The following CLDN14 variants were observed in gnomAD, a reference collection of about 807,000 sequenced individuals.
The protein encoded by CLDN14 is claudin 14, also known as claudin-14.
A neutral mutation model predicts 2.1 loss-of-function variants in CLDN14; 2 were observed. That is an observed-to-expected ratio of 0.96 (90% CI 0.39 to 3.01). CLDN14 has a LOEUF of 3.01. Ranked by LOEUF, CLDN14 falls within the 30% of genes most tolerant of loss-of-function variation. The pLI is 0.09. For synonymous variants in CLDN14, 136 were observed against 154.4 expected, an observed-to-expected ratio of 0.88 and a Z score of 0.88; for missense variants, 298 against 328.0, an observed-to-expected ratio of 0.91 and a Z score of 0.71.
At chr21:36,470,572 C>CA (rs2086699168) in intron 1 of CLDN14, among the ~76,000 whole-genome samples, 1 of 152,218 alleles carries the variant, frequency 6.6e-6, no homozygotes, top group African/African-American at 2.4e-5. Flanking sequence ...AGAATCATGA[C>CA]AGAATAAATT....
At chr21:36,536,408 T>C (rs1424987732) in intron 1 of CLDN14, among the ~76,000 whole-genome samples, 3 of 152,224 alleles carry the variant, frequency 2.0e-5, no homozygotes, top group African/African-American at 7.2e-5. Flanking sequence ...GTGTCAATGT[T>C]GCATTCTTGG....
intron 1 of CLDN14, among the ~76,000 whole-genome samples, chr21:36,464,474 C>T (rs2086620606): frequency 6.6e-6 from 1 of 152,186 alleles, no homozygotes; most frequent in Non-Finnish European, 1.5e-5. Context: ...TGGCTTTGCA[C>T]AAAGCCTCTC....
intron 1 of CLDN14, among the ~76,000 whole-genome samples, chr21:36,511,382 G>A (rs2087185480): frequency 6.6e-6 from 1 of 152,178 alleles, no homozygotes. Context: ...ATTGCCTTGT[G>A]TCATTGTCCA....
At chr21:36,489,077 T>C (rs1226882546) in intron 2 of CLDN14, among the ~76,000 whole-genome samples, 2 of 134,870 alleles carry the variant, frequency 1.5e-5, no homozygotes, top group Non-Finnish European at 3.1e-5. Context: ...GCCACTGCAC[T>C]CCAGCCTGGG....
At chr21:36,517,744 A>T (rs1432499763) in intron 1 of CLDN14, among the ~76,000 whole-genome samples, 2 of 152,234 alleles carry the variant, frequency 1.3e-5, no homozygotes, top group African/African-American at 2.4e-5. Context: ...TGGCTAGGCC[A>T]TGGTGCTCAG....
rs949338095 is a variant in CLDN14, at chr21:36,460,861, C to T, written c.*115G>A. 8.8e-6 allele frequency: 11 copies of T among 1,249,768 alleles called. No individual in the cohort carries two copies. Among genetic ancestry groups the T allele is most frequent in the East Asian group, 2.6e-5 (1 of 39,142 alleles). The allele number at this position is 1,249,768 out of a possible 1,614,324, so 77.4% of individuals were successfully genotyped here. A position where few individuals can be genotyped will look rare whatever the true frequency, so the allele number is the denominator to read the frequency against. On this transcript the variant is annotated 3_prime_UTR_variant, in exon 2 of 2. Transcript: ENST00000399135. This position sits in a 1 kb window ranked among gnomAD's most constrained non-coding sequence, Gnocchi z 4.0. ...CATTTCCTCGCATTCACATTATTTC[C>T]TTGGATACAAAAATTGCCCAGAAGT...
At chr21:36,480,665 T>C (rs1166655890), upstream of CLDN14, 2 of 152,166 alleles carry the variant, frequency 1.3e-5, no homozygotes, top group African/African-American at 4.8e-5. Flanking sequence ...TTTTCAATTT[T>C]GAAAATCGTT....
At chr21:36,464,984 C>G (rs191643462) in intron 1 of CLDN14, among the ~76,000 whole-genome samples, 2 of 152,300 alleles carry the variant, frequency 1.3e-5, no homozygotes, top group East Asian at 3.9e-4. Flanking sequence ...TGGCCTTGCC[C>G]CTTTTGCAGT....
At chr21:36,550,421 C>A (rs982350794) in intron 1 of CLDN14, among the ~76,000 whole-genome samples, 9 of 152,134 alleles carry the variant, frequency 5.9e-5, no homozygotes, top group African/African-American at 2.2e-4. Flanking sequence ...GAGCTCAGGG[C>A]AGTTTTAGTA....
intron 2 of CLDN14, among the ~76,000 whole-genome samples, chr21:36,492,056 C>T (rs1024637980): frequency 1.3e-5 from 2 of 152,126 alleles, no homozygotes; most frequent in African/African-American, 4.8e-5. Context: ...GTAATCCCAG[C>T]ACTTTGGGAG....
intron 1 of CLDN14, among the ~76,000 whole-genome samples, chr21:36,529,396 C>T (rs1203735506): frequency 6.6e-6 from 1 of 152,132 alleles, no homozygotes; most frequent in East Asian, 1.9e-4. Context: ...TCAAGCGATT[C>T]TCCTGCCTCA....
At chr21:36,470,780 C>T (rs1388373244) in intron 1 of CLDN14, among the ~76,000 whole-genome samples, 1 of 151,954 alleles carries the variant, frequency 6.6e-6, no homozygotes, top group Non-Finnish European at 1.5e-5. Flanking sequence ...TCAAGACCAG[C>T]CTGGTCAACA....
chr21:36,466,921 A>AAGAGGCT (rs1442956358), intron 1 of CLDN14, among the ~76,000 whole-genome samples: 1 of 152,204 alleles, frequency 6.6e-6, no homozygotes, highest in African/African-American at 2.4e-5. Context: ...GACCAAAACA[A>AAGAGGCT]AGAGGCTACA....
intron 1 of CLDN14, among the ~76,000 whole-genome samples, chr21:36,556,367 T>G (rs2087599220): frequency 6.6e-6 from 1 of 152,202 alleles, no homozygotes; most frequent in Non-Finnish European, 1.5e-5. Context: ...GTGCTGCCCA[T>G]GGTGGCCCTG....
chr21:36,520,252 G>A (rs1199182469), intron 1 of CLDN14, among the ~76,000 whole-genome samples: 3 of 152,036 alleles, frequency 2.0e-5, no homozygotes, highest in East Asian at 3.9e-4. Flanking sequence ...CAGTGGATTG[G>A]GGTCTACACT....
intron 2 of CLDN14, among the ~76,000 whole-genome samples, chr21:36,494,691 C>T (rs186416049): frequency 5.9e-5 from 9 of 152,302 alleles, no homozygotes; most frequent in Admixed American, 5.2e-4. Flanking sequence ...AGGGGGATGA[C>T]CCTGGGATGG....
intron 1 of CLDN14, among the ~76,000 whole-genome samples, chr21:36,574,983 C>T (rs1294382429): frequency 5.9e-5 from 9 of 152,178 alleles, no homozygotes; most frequent in Admixed American, 5.9e-4. Flanking sequence ...AACAAAATTG[C>T]ATTTAGCAGT....
At position 36,539,820 on chromosome 21, in the gene CLDN14, A is replaced by C. The variant is rs376414932; in HGVS notation, c.-219-29320T>G. On this transcript the variant is annotated intron_variant, in intron 1 of 2. Coordinates refer to the CLDN14 transcript ENST00000342108. ...TATGTCTGCAGATGAGTGTGTGCGG[A>C]GTATGTCTGCAGAGTGAGTGTGTGT... 7.4e-3 allele frequency among the ~76,000 whole-genome samples: 1,039 copies of C among 141,086 alleles called. 11 individuals carry two copies. The highest frequency in any genetic ancestry group is 0.012 in the Non-Finnish European group (768 of 65,434). 92.6% of individuals were successfully genotyped at this position (141,086 alleles called of 152,430 possible). A position where few individuals can be genotyped will look rare whatever the true frequency, so the allele number is the denominator to read the frequency against.
intron 1 of CLDN14, among the ~76,000 whole-genome samples, chr21:36,466,086 C>T (rs1047091922): frequency 2.6e-5 from 4 of 152,254 alleles, no homozygotes; most frequent in African/African-American, 4.8e-5. Flanking sequence ...AGAAAACCTG[C>T]GTGACTGTAG....
Sources: gnomAD v4.1 joint callset for allele counts (sites outside exome capture counted in the v4.1 genomes callset) on GRCh38, gnomAD v4.1.1 for gene constraint, Gnocchi (gnomAD v3.1) non-coding constraint, MANE v1.5 for transcripts, NCBI Gene and HGNC (gene_info 2026-07-23, HGNC 2026-07-21) for gene names.